NAALAD2: variants seen among roughly 807,000 people sequenced by gnomAD.
NAALAD2 encodes N-acetylated alpha-linked acidic dipeptidase 2, also known as N-acetylated-alpha-linked acidic dipeptidase 2.
A neutral mutation model predicts 95.6 loss-of-function variants in NAALAD2; 89 were observed. The ratio of observed to expected loss-of-function variants is 0.93; its 90% CI spans 0.78 to 1.11. NAALAD2 has a LOEUF of 1.11. Ranked by LOEUF, NAALAD2 falls within the 50% of genes least tolerant of loss-of-function variation. The pLI is 0.00. For missense variants in NAALAD2, 894 were observed against 872.4 expected, an observed-to-expected ratio of 1.02 and a Z score of -0.31; for synonymous variants, 264 against 294.4, an observed-to-expected ratio of 0.90 and a Z score of 1.06.
At chr11:90,181,726 T>TA (rs3832738) in intron 17 of NAALAD2, 25 bp downstream of exon 17, 15,535 of 977,426 alleles carry the variant, frequency 0.016, 1 homozygote, top group Non-Finnish European at 0.018. Context: ...CCTTTTTTTT[T>TA]AAAAAAAAAA....
chr11:90,138,724 A>C (rs1388920479), intron 2 of NAALAD2, among the ~76,000 whole-genome samples: 5 of 84,824 alleles, frequency 5.9e-5, no homozygotes, highest in Middle Eastern at 0.013. Flanking sequence ...TCATCCCTCA[A>C]CTTTTTTTTT....
intron 18 of NAALAD2, among the ~76,000 whole-genome samples, chr11:90,187,837 A>G (rs1857202534): frequency 6.6e-6 from 1 of 152,214 alleles, no homozygotes. Context: ...AGAAAATTAG[A>G]CTAATCTGAT....
intron 18 of NAALAD2, 92 bp downstream of exon 18, chr11:90,183,100 G>A (rs1857016804): frequency 1.2e-6 from 1 of 819,734 alleles, no homozygotes; most frequent in Non-Finnish European, 2.1e-6. Flanking sequence ...ATGGGTGAAA[G>A]GCAAATATGT....
At chr11:90,157,502 G>C (rs1952150214) in intron 6 of NAALAD2, among the ~76,000 whole-genome samples, 1 of 151,874 alleles carries the variant, frequency 6.6e-6, no homozygotes, top group African/African-American at 2.4e-5. Context: ...TATAGTTTCA[G>C]AATCTGGGAC....
rs751209330 is a variant in NAALAD2, at chr11:90,158,244, G to C, written c.890+6G>C. The C allele has an allele frequency of 3.1e-6, 5 of 1,590,264 alleles. No homozygotes were observed. The highest frequency in any genetic ancestry group is 4.3e-6 in the Non-Finnish European group (5 of 1,160,116). On this transcript the variant is annotated splice_donor_region_variant and intron_variant, in intron 7 of 18. Coordinates refer to ENST00000534061, the MANE Select transcript of NAALAD2 (RefSeq NM_005467.4). ...GATGCAGAAATATTATTACGGTATA[G>C]TTTTCTTGTTGGATATGAGATTAAG...
chr11:90,181,727 A>T (rs3740812), intron 17 of NAALAD2, 26 bp downstream of exon 17: 1,349 of 85,706 alleles, frequency 0.016, no homozygotes, highest in East Asian at 0.074. Flanking sequence ...CTTTTTTTTT[A>T]AAAAAAAAAA....
At chr11:90,172,014 G>GA (rs1396202994) in intron 13 of NAALAD2, among the ~76,000 whole-genome samples, 1 of 151,100 alleles carries the variant, frequency 6.6e-6, no homozygotes, top group Non-Finnish European at 1.5e-5. Flanking sequence ...AAGAAAGAAA[G>GA]AAAGCTGATC....
At chr11:90,159,660 TAGG>T (rs1244436818) in intron 8 of NAALAD2, among the ~76,000 whole-genome samples, 1 of 152,040 alleles carries the variant, frequency 6.6e-6, no homozygotes. Flanking sequence ...TGTGAAAAAC[TAGG>T]TGAAGGTGCT....
intron 2 of NAALAD2, among the ~76,000 whole-genome samples, chr11:90,136,738 A>T (rs1455957305): frequency 6.6e-6 from 1 of 152,194 alleles, no homozygotes; most frequent in Admixed American, 6.5e-5. Flanking sequence ...CTATGAACAG[A>T]TGTTTACAAG....
rs776358674 is a variant in NAALAD2, at chr11:90,181,658, G to T, written c.1897G>T (p.Ala633Ser). ...FSAVKNFSEA[A>S]SDFHKRLIQV... ...TGCTGTGAAAAACTTCTCAGAGGCT[G>T]CTTCAGATTTTCATAAACGACTTAT... The change falls in exon 17 of 19, where the codon GCT (alanine) becomes TCT (serine). Residue 633 changes from alanine (A) to serine (S), a missense_variant. By Grantham distance (99) the Ala-to-Ser change is moderately conservative. Coordinates refer to ENST00000534061, the MANE Select transcript of NAALAD2 (RefSeq NM_005467.4). 9 of 1,605,674 alleles carry T rather than the reference G, an allele frequency of 5.6e-6. No homozygotes were observed. In the African/African-American group the frequency reaches 1.2e-4, roughly 22 times the overall value.
At position 90,158,005 on chromosome 11, in the gene NAALAD2, C is replaced by T. The variant is rs939221600; in HGVS notation, c.797-140C>T. On this transcript the variant is annotated intron_variant, in intron 6 of 18. Transcript: ENST00000534061. ...AAGTGCTGGGATGACAGGTGTGAGC[C>T]ACCACGCCTGGCCAGGAACTTTTAA... is the stretch of plus-strand genomic sequence containing the variant. 32 of 630,452 alleles carry T rather than the reference C, an allele frequency of 5.1e-5. No individual in the cohort carries two copies. In the Admixed American group the frequency reaches 7.4e-4, roughly 15 times the overall value. The allele number at this position is 630,452 out of a possible 1,614,324, so 39.1% of individuals were successfully genotyped here.
intron 18 of NAALAD2, among the ~76,000 whole-genome samples, chr11:90,188,204 C>A (rs1857218262): frequency 6.6e-6 from 1 of 152,076 alleles, no homozygotes; most frequent in Non-Finnish European, 1.5e-5. Flanking sequence ...TACAGAGAAA[C>A]CTTTAGGCTG....
intron 8 of NAALAD2, among the ~76,000 whole-genome samples, chr11:90,159,739 T>C (rs1048790447): frequency 1.3e-5 from 2 of 151,260 alleles, no homozygotes; most frequent in Non-Finnish European, 3.0e-5. Context: ...TCACCTGAGG[T>C]TGGGAGTTCA....
Position 90,181,625 on chromosome 11 carries a change from T to G in NAALAD2, c.1864T>G (p.Leu622Val), listed in dbSNP as rs1412244079. The G allele has an allele frequency of 6.3e-7, 1 of 1,597,984 alleles. No homozygotes were observed. Among genetic ancestry groups the G allele is most frequent in the Non-Finnish European group, 8.6e-7 (1 of 1,169,228 alleles). Residue 622 changes from leucine to valine, a missense_variant, in exon 17 of 19, where the codon TTA becomes GTA. Physicochemically the swap from Leu to Val is conservative, Grantham distance 32. Transcript: ENST00000534061. Reference sequence around the variant, plus strand: ...CTTTTCTATTTTTAAAAAAGACTCCTTATTTTCTGCTGTGAAAAACTTCTC... The same window carrying G: ...CTTTTCTATTTTTAAAAAAGACTCCGTATTTTCTGCTGTGAAAAACTTCTC... ...LTDHGVSFDS[L>V]FSAVKNFSEA... is the part of the protein sequence containing the mutation.
chr11:90,147,645 T>C, intron 3 of NAALAD2, 129 bp downstream of exon 3: 5 of 834,854 alleles, frequency 6.0e-6, no homozygotes, highest in Non-Finnish European at 9.1e-6. Context: ...GTGTTCGACA[T>C]GGTGTTAAGT....
intron 6 of NAALAD2, among the ~76,000 whole-genome samples, chr11:90,154,514 T>C (rs1951976860): frequency 1.3e-5 from 2 of 151,798 alleles, no homozygotes; most frequent in African/African-American, 2.4e-5. Context: ...CTTTTATATA[T>C]TGTTGAATTT....
intron 18 of NAALAD2, among the ~76,000 whole-genome samples, chr11:90,185,851 G>A (rs961671600): frequency 2.3e-5 from 3 of 130,008 alleles, no homozygotes; most frequent in Admixed American, 7.5e-5. Flanking sequence ...GGGTGAAAGG[G>A]TAAACACTTT....
rs1951439953 is a variant in NAALAD2 at position 90,135,728 on chromosome 11, A to AGCACT, written c.194+61_194+62insCTGCA. 4 of 1,392,750 alleles carry AGCACT rather than the reference A, an allele frequency of 2.9e-6. No individual in the cohort carries two copies. In the Admixed American group the frequency reaches 5.3e-5, roughly 18 times the overall value. The allele number at this position is 1,392,750 out of a possible 1,614,324, so 86.3% of individuals were successfully genotyped here. A position where few individuals can be genotyped will look rare whatever the true frequency, so the allele number is the denominator to read the frequency against. On this transcript the variant is annotated intron_variant, in intron 2 of 18. Transcript: ENST00000534061. ...TCATGTTTAAAATATCACAGTGAGA[A>AGCACT]GCATATTATACCTGGTTATATGCAT...
chr11:90,145,417 A>AT (rs1275623889), intron 2 of NAALAD2, among the ~76,000 whole-genome samples: 4 of 152,134 alleles, frequency 2.6e-5, no homozygotes, highest in African/African-American at 4.8e-5. Context: ...AAATATATAT[A>AT]TTTTTTCTAA....
Sources: gnomAD v4.1 joint callset for allele counts (sites outside exome capture counted in the v4.1 genomes callset) on GRCh38, gnomAD v4.1.1 for gene constraint, MANE v1.5 for transcripts, NCBI Gene and HGNC (gene_info 2026-07-23, HGNC 2026-07-21) for gene names.